The following ZCWPW2 variants were observed in gnomAD, a reference collection of about 807,000 sequenced individuals.
ZCWPW2 encodes the protein zinc finger CW-type PWWP domain protein 2.
In ZCWPW2, 45 loss-of-function variants were observed where a neutral mutation model predicts 46.6. The observed-to-expected ratio is 0.96, with a 90% CI of 0.76 to 1.24. The LOEUF (loss-of-function observed/expected upper bound fraction) is 1.24, where lower values mean the gene tolerates loss of function less well. Among genes scored for constraint, ZCWPW2 ranks in the 50% most tolerant of loss-of-function variants. The pLI is 0.00. For missense variants in ZCWPW2, 429 were observed against 403.9 expected (o/e 1.06, Z -0.53); for synonymous variants, 152 against 137.1 (o/e 1.11, Z -0.76).
At chr3:28,414,048 T>G (rs1696526197) in intron 3 of ZCWPW2, among the ~76,000 whole-genome samples, 1 of 152,098 alleles carries the variant, frequency 6.6e-6, no homozygotes, top group African/African-American at 2.4e-5. Flanking sequence ...ACTTCAAGTC[T>G]TATTTTTAGC....
intron 1 of ZCWPW2, among the ~76,000 whole-genome samples, chr3:28,371,522 A>C (rs940172420): frequency 1.3e-5 from 2 of 152,072 alleles, no homozygotes; most frequent in African/African-American, 4.8e-5. Context: ...AGCTTGGTAT[A>C]GTGGCTCATG....
In ZCWPW2 at chr3:28,515,606, TC is replaced by T; in HGVS notation, c.770del (p.Ser257Ter). On this transcript the variant is annotated frameshift_variant, in exon 8 of 10. Coordinates refer to ENST00000383768, the MANE Select transcript of ZCWPW2 (RefSeq NM_001040432.4). LOFTEE classifies it high-confidence loss of function. ...AAATGTTTATTCTGATGATGCCTTATCAAAGGAGAACAGGGGTATGTGAAAG... is the reference window on the plus strand; with the variant it reads ...AAATGTTTATTCTGATGATGCCTTATAAAGGAGAACAGGGGTATGTGAAAG... ...FENVYSDDAL[S>X]KENRVVCETE... The T allele has an allele frequency of 2.5e-6, 4 of 1,605,416 alleles. No individual in the cohort carries two copies. The highest frequency in any genetic ancestry group is 3.4e-6 in the Non-Finnish European group (4 of 1,179,324).
At chr3:28,369,149 T>G (rs1016858458) in intron 1 of ZCWPW2, among the ~76,000 whole-genome samples, 2 of 152,214 alleles carry the variant, frequency 1.3e-5, no homozygotes, top group African/African-American at 4.8e-5. Flanking sequence ...GAAGTCTTCT[T>G]CTCTCAACTC....
At chr3:28,495,130 A>C (rs1213598705) in intron 6 of ZCWPW2, among the ~76,000 whole-genome samples, 3 of 151,814 alleles carry the variant, frequency 2.0e-5, no homozygotes, top group Non-Finnish European at 2.9e-5. Context: ...AGTCAATCCT[A>C]AGCCAAAAGA....
intron 4 of ZCWPW2, among the ~76,000 whole-genome samples, chr3:28,468,645 C>T (rs893032791): frequency 1.2e-4 from 18 of 152,096 alleles, no homozygotes; most frequent in Non-Finnish European, 1.0e-4. Context: ...CCTTACAGGC[C>T]AGGAGAGAGT....
chr3:28,478,694 G>A, intron 4 of ZCWPW2, 120 bp from the exon 5 acceptor site: 1 of 451,694 alleles, frequency 2.2e-6, no homozygotes. Flanking sequence ...AGATACGAAA[G>A]TCTAAGAAAT....
intron 2 of ZCWPW2, among the ~76,000 whole-genome samples, chr3:28,412,792 C>T (rs1221161526): frequency 8.6e-5 from 13 of 151,984 alleles, no homozygotes; most frequent in Non-Finnish European, 1.9e-4. Flanking sequence ...ATTATAGTCA[C>T]CTCTACTCCC....
At position 28,514,050 on chromosome 3, in the gene ZCWPW2, T is replaced by G; in HGVS notation, c.658-14T>G. 6.7e-7 allele frequency: 1 copy of G among 1,493,788 alleles called. No homozygotes were observed. The highest frequency in any genetic ancestry group is 9.1e-7 in the Non-Finnish European group (1 of 1,095,470). The allele number at this position is 1,493,788 out of a possible 1,614,324, so 92.5% of individuals were successfully genotyped here. ...CTATATGAACTAACTCATATTTTTGTTTTTGTGTTATAGAAGCAGACTTCT... is the reference window on the plus strand; with the variant it reads ...CTATATGAACTAACTCATATTTTTGGTTTTGTGTTATAGAAGCAGACTTCT... On this transcript the variant is annotated splice_polypyrimidine_tract_variant and intron_variant, in intron 6 of 9. Transcript: ENST00000383768.
At chr3:28,350,951 A>T (rs1290429272) in intron 1 of ZCWPW2, among the ~76,000 whole-genome samples, 2 of 151,812 alleles carry the variant, frequency 1.3e-5, no homozygotes, top group Admixed American at 6.6e-5. Flanking sequence ...ATTCCATTGA[A>T]ATTTATTGGA....
chr3:28,520,109 A>C (rs1156534092), intron 8 of ZCWPW2, among the ~76,000 whole-genome samples: 1 of 148,970 alleles, frequency 6.7e-6, no homozygotes, highest in Non-Finnish European at 1.5e-5. Flanking sequence ...GATTCACGCC[A>C]TTCTCCTGCC....
chr3:28,520,103 C>G (rs1435206877), intron 8 of ZCWPW2, among the ~76,000 whole-genome samples: 1 of 150,056 alleles, frequency 6.7e-6, no homozygotes, highest in East Asian at 2.0e-4. Context: ...CTCCCGGATT[C>G]ACGCCATTCT....
intron 3 of ZCWPW2, among the ~76,000 whole-genome samples, chr3:28,417,543 C>T (rs566625282): frequency 6.6e-6 from 1 of 151,704 alleles, no homozygotes. Context: ...GATACCAAAG[C>T]CTGACAGAGA....
At chr3:28,499,361 C>T (rs1313813102) in intron 6 of ZCWPW2, among the ~76,000 whole-genome samples, 2 of 152,092 alleles carry the variant, frequency 1.3e-5, no homozygotes, top group East Asian at 3.8e-4. Flanking sequence ...GAGATGGTAT[C>T]TCATTGTGGT....
chr3:28,455,127 T>C (rs1267659827), intron 4 of ZCWPW2, among the ~76,000 whole-genome samples: 2 of 152,206 alleles, frequency 1.3e-5, no homozygotes, highest in Non-Finnish European at 2.9e-5. Context: ...CCCTTTTCTC[T>C]ACAACCTCAC....
intron 2 of ZCWPW2, among the ~76,000 whole-genome samples, chr3:28,399,819 C>G (rs139417592): frequency 6.6e-6 from 1 of 152,060 alleles, no homozygotes; most frequent in African/African-American, 2.4e-5. Context: ...CAGAGCCTAC[C>G]CAAATGAGAA....
intron 9 of ZCWPW2, among the ~76,000 whole-genome samples, chr3:28,523,339 A>C (rs1044875976): frequency 6.6e-6 from 1 of 152,190 alleles, no homozygotes; most frequent in African/African-American, 2.4e-5. Context: ...AGTGAAACCA[A>C]CTAGCAAAGC....
chr3:28,439,100 C>T (rs1270294109), intron 4 of ZCWPW2, among the ~76,000 whole-genome samples: 2 of 144,014 alleles, frequency 1.4e-5, no homozygotes, highest in African/African-American at 2.5e-5. Context: ...CATATATACA[C>T]ACACACACAC....
chr3:28,462,027 G>C (rs1251622833), intron 4 of ZCWPW2, among the ~76,000 whole-genome samples: 2 of 152,156 alleles, frequency 1.3e-5, no homozygotes, highest in African/African-American at 4.8e-5. Context: ...GCGAAAAGTA[G>C]TCAGGCCCCT....
intron 5 of ZCWPW2, among the ~76,000 whole-genome samples, chr3:28,489,700 A>C (rs1699739906): frequency 6.9e-6 from 1 of 144,794 alleles, no homozygotes. Context: ...ACACACACAC[A>C]CACACCCCAT....
Sources: allele counts gnomAD v4.1 joint callset (sites outside exome capture counted in the v4.1 genomes callset), GRCh38; gene constraint gnomAD v4.1.1; transcripts MANE v1.5; gene names NCBI Gene and HGNC (gene_info 2026-07-23, HGNC 2026-07-21).